The following LDLRAP1 variants were observed in gnomAD, a reference collection of about 807,000 sequenced individuals.
LDLRAP1 encodes the protein low density lipoprotein receptor adaptor protein 1.
A neutral mutation model predicts 37.8 loss-of-function variants in LDLRAP1; 30 were observed. That is an observed-to-expected ratio of 0.79 (90% confidence interval 0.59 to 1.08). LDLRAP1 has a LOEUF of 1.08. Ranked by LOEUF, LDLRAP1 falls within the 50% of genes least tolerant of loss-of-function variation. The pLI is 0.00. For missense variants in LDLRAP1, 375 were observed against 401.6 expected (o/e 0.93, Z 0.57); for synonymous variants, 156 against 169.8 (o/e 0.92, Z 0.63).
At chr1:25,558,548 C>T (rs1422781444) in intron 4 of LDLRAP1, among the ~76,000 whole-genome samples, 1 of 152,068 alleles carries the variant, frequency 6.6e-6, no homozygotes. Flanking sequence ...TGGGGGGAAT[C>T]CATTTCCTTA....
In LDLRAP1 at chr1:25,554,834, TC is replaced by T; in HGVS notation, c.232-24del. 6.3e-7 allele frequency: 1 copy of T among 1,576,862 alleles called. No individual in the cohort carries two copies. Among genetic ancestry groups the T allele is most frequent in the Non-Finnish European group, 8.7e-7 (1 of 1,147,288 alleles). On this transcript the variant is annotated intron_variant, in intron 2 of 8. Transcript: ENST00000374338. The surrounding 1 kb of genome is among the most constrained non-coding windows in gnomAD (Gnocchi z 5.4). The stretch of plus-strand genomic sequence containing the variant: ...TGGGTCTCAAGTGAGGCTGGCAGAC[TC>T]CTCTGACTCCTGTCTGCTCCCAAGG...
chr1:25,586,479 C>T, the LDLRAP1 span, among the ~76,000 whole-genome samples: 3 of 146,036 alleles, frequency 2.1e-5, no homozygotes, highest in South Asian at 2.1e-4. This position sits in a 1 kb window ranked among gnomAD's most constrained non-coding sequence, Gnocchi z 4.3. Context: ...CTGCTTCCCA[C>T]GTGCGTGTGC....
At chr1:25,546,669 G>C (rs551444845) in intron 1 of LDLRAP1, among the ~76,000 whole-genome samples, 19 of 152,328 alleles carry the variant, frequency 1.2e-4, no homozygotes, top group African/African-American at 4.3e-4. Flanking sequence ...TACCCAGAGA[G>C]AAGGGGTGAA....
Position 25,566,802 on chromosome 1 carries a change from G to A in LDLRAP1, c.783-46G>A, listed in dbSNP as rs565077070. The stretch of plus-strand genomic sequence containing the variant: ...CCCCTCGCGTCTGACCCTGGGGCGC[G>A]CCAGCCCTCACCCAGGCTCTCGGCT... On this transcript the variant is annotated intron_variant, in intron 8 of 8. Transcript: ENST00000374338. The A allele has an allele frequency of 2.8e-5, 44 of 1,584,830 alleles. No homozygotes were observed. In the Admixed American group the frequency reaches 3.9e-4, roughly 14 times the overall value.
chr1:25,552,956 A>G (rs1336465117), intron 1 of LDLRAP1, among the ~76,000 whole-genome samples: 1 of 152,124 alleles, frequency 6.6e-6, no homozygotes, highest in African/African-American at 2.4e-5. Flanking sequence ...AGGAGAGGGG[A>G]CTTCCCTAGG....
chr1:25,578,042 C>A, the LDLRAP1 span, among the ~76,000 whole-genome samples: 1 of 152,088 alleles, frequency 6.6e-6, no homozygotes, highest in East Asian at 1.9e-4. Flanking sequence ...TGTGGGTGAG[C>A]CCCCCACCTC....
intron 4 of LDLRAP1, among the ~76,000 whole-genome samples, chr1:25,557,759 T>C (rs913711288): frequency 1.3e-4 from 19 of 151,640 alleles, no homozygotes; most frequent in African/African-American, 4.4e-4. Flanking sequence ...GTGACCAGAG[T>C]GTGGAGGACA....
chr1:25,577,981 CAG>C, the LDLRAP1 span, among the ~76,000 whole-genome samples: 1 of 152,196 alleles, frequency 6.6e-6, no homozygotes, highest in Non-Finnish European at 1.5e-5. Flanking sequence ...GTCGGGAGCT[CAG>C]GGGGCATCTG....
intron 8 of LDLRAP1, among the ~76,000 whole-genome samples, chr1:25,565,944 G>C (rs1385341447): frequency 1.3e-5 from 2 of 152,172 alleles, no homozygotes; most frequent in African/African-American, 4.8e-5. Flanking sequence ...CAGGGTCTTT[G>C]CCCTCCTGCC....
intron 7 of LDLRAP1, 49 bp from the exon 8 acceptor site, chr1:25,565,124 A>C (rs750863561): frequency 3.3e-5 from 53 of 1,599,986 alleles, no homozygotes; most frequent in Non-Finnish European, 3.8e-5. Flanking sequence ...AGCTGTGAGC[A>C]TGGGCTCCCC....
intron 1 of LDLRAP1, among the ~76,000 whole-genome samples, chr1:25,550,721 G>T (rs921325751): frequency 6.6e-6 from 1 of 152,192 alleles, no homozygotes; most frequent in Non-Finnish European, 1.5e-5. Flanking sequence ...GGCTTCAGTT[G>T]TATCATCAAG....
rs770198944 is a variant in LDLRAP1 at position 25,563,165 on chromosome 1, CG to C, written c.616+16del. ...CTCCTTGAAGAGCTGTGAGTCCTGA[CG>C]GGGAAGGGGGATTGGCCATGCGGTG... On this transcript the variant is annotated intron_variant, in intron 6 of 8. Coordinates refer to ENST00000374338, the MANE Select transcript of LDLRAP1 (RefSeq NM_015627.3). 6.2e-7 allele frequency: 1 copy of C among 1,612,432 alleles called. No homozygotes were observed. Among genetic ancestry groups the C allele is most frequent in the Non-Finnish European group, 8.5e-7 (1 of 1,178,550 alleles).
intron 4 of LDLRAP1, among the ~76,000 whole-genome samples, chr1:25,560,063 A>G (rs1478948303): frequency 7.2e-6 from 1 of 138,414 alleles, no homozygotes; most frequent in Non-Finnish European, 1.5e-5. Context: ...TGCCAGGCCG[A>G]GAGAAGGGGG....
At chr1:25,575,836 G>T in the LDLRAP1 span, among the ~76,000 whole-genome samples, 1 of 152,182 alleles carries the variant, frequency 6.6e-6, no homozygotes, top group Non-Finnish European at 1.5e-5. Flanking sequence ...TTTTGCAGAA[G>T]AGGAAACTGA....
chr1:25,577,457 G>A, the LDLRAP1 span, among the ~76,000 whole-genome samples: 1 of 152,132 alleles, frequency 6.6e-6, no homozygotes, highest in Non-Finnish European at 1.5e-5. Flanking sequence ...CAAGGAACTC[G>A]AGGTTCATGC....
chr1:25,563,188 G>A (rs774689405), intron 6 of LDLRAP1, 35 bp downstream of exon 6: 13 of 1,587,964 alleles, frequency 8.2e-6, no homozygotes, highest in African/African-American at 2.7e-5. Flanking sequence ...TTGGCCATGC[G>A]GTGTTGGGGT....
rs778083076 is a variant in LDLRAP1 at position 25,565,165 on chromosome 1, TC to T, written c.748-4del. The T allele has an allele frequency of 3.7e-6, 6 of 1,614,008 alleles. No homozygotes were observed. Among genetic ancestry groups the T allele is most frequent in the Non-Finnish European group, 5.1e-6 (6 of 1,179,972 alleles). ...ATAGTTCTTATCTCCTGCTTTGTTTTCCCCAAGGAGCTGGATGATGGCCTGG... is the reference window on the plus strand; with the variant it reads ...ATAGTTCTTATCTCCTGCTTTGTTTTCCCAAGGAGCTGGATGATGGCCTGG... On this transcript the variant is annotated splice_polypyrimidine_tract_variant and splice_region_variant and intron_variant, in intron 7 of 8. Coordinates refer to ENST00000374338, the MANE Select transcript of LDLRAP1 (RefSeq NM_015627.3).
chr1:25,572,455 ATGT>A (rs928841020), downstream of LDLRAP1, among the ~76,000 whole-genome samples: 7 of 152,100 alleles, frequency 4.6e-5, no homozygotes, highest in East Asian at 1.9e-4. Flanking sequence ...GTTTGGTAAA[ATGT>A]TGTGTGGTCC....
At chr1:25,559,288 C>T (rs559669346) in intron 4 of LDLRAP1, among the ~76,000 whole-genome samples, 1 of 152,252 alleles carries the variant, frequency 6.6e-6, no homozygotes, top group East Asian at 1.9e-4. Context: ...TGGGAGGGGC[C>T]TTCGACGGTG....
Sources: allele counts gnomAD v4.1 joint callset (sites outside exome capture counted in the v4.1 genomes callset), GRCh38; gene constraint gnomAD v4.1.1; non-coding constraint Gnocchi (gnomAD v3.1); transcripts MANE v1.5; gene names NCBI Gene and HGNC (gene_info 2026-07-23, HGNC 2026-07-21).